The following MACF1 variants were observed in gnomAD, a reference collection of about 807,000 sequenced individuals.
The protein encoded by MACF1 is microtubule actin crosslinking factor 1, also known as microtubule-actin cross-linking factor 1.
Under a neutral mutation model 854.8 loss-of-function variants are expected in MACF1, and 193 were observed. The ratio of observed to expected loss-of-function variants is 0.23; its 90% CI spans 0.20 to 0.25. The LOEUF is 0.25. Ranked by LOEUF, MACF1 falls within the 10% of genes least tolerant of loss-of-function variation. MACF1 has a pLI of 1.00. For missense variants in MACF1, 7,722 were observed against 8,929.1 expected (o/e 0.86, Z 5.45); for synonymous variants, 3,185 against 3,226.7 (o/e 0.99, Z 0.44).
At chr1:39,392,217 G>A (rs1249772301) in intron 58 of MACF1, among the ~76,000 whole-genome samples, 5 of 152,140 alleles carry the variant, frequency 3.3e-5, no homozygotes, top group Non-Finnish European at 4.4e-5. Flanking sequence ...TGAGCTCATC[G>A]GAAGTGAAAA....
intron 23 of MACF1, among the ~76,000 whole-genome samples, chr1:39,308,843 A>G (rs1646241750): frequency 6.6e-6 from 1 of 151,866 alleles, no homozygotes; most frequent in Non-Finnish European, 1.5e-5. Flanking sequence ...TTTAATAGAG[A>G]TGGGGTTTCT....
chr1:39,427,357 T>A (rs1465647858), intron 61 of MACF1, 98 bp from the exon 62 acceptor site: 1 of 1,046,058 alleles, frequency 9.6e-7, no homozygotes, highest in East Asian at 2.4e-5. Context: ...GTATTTAAAC[T>A]ATACCTGGAA....
intron 5 of MACF1, 50 bp from the exon 6 acceptor site, chr1:39,257,886 C>A: frequency 7.2e-7 from 1 of 1,392,942 alleles, no homozygotes; most frequent in Non-Finnish European, 1.0e-6. Context: ...AAAATTTAAT[C>A]AAAACAAAAA....
chr1:39,439,039 C>T (rs1209591749), intron 71 of MACF1, among the ~76,000 whole-genome samples: 10 of 150,068 alleles, frequency 6.7e-5, no homozygotes, highest in Admixed American at 2.7e-4. Context: ...GCCAAGATTG[C>T]GCCACTGCAC....
chr1:39,415,191 A>G (rs569559311), intron 58 of MACF1, among the ~76,000 whole-genome samples: 54 of 152,296 alleles, frequency 3.5e-4, no homozygotes, highest in African/African-American at 1.3e-3. Context: ...TGAAAAATAG[A>G]GATATTTTAG....
intron 2 of MACF1, among the ~76,000 whole-genome samples, chr1:39,236,044 A>G (rs1315998119): frequency 1.3e-5 from 2 of 152,330 alleles, no homozygotes; most frequent in East Asian, 3.9e-4. Context: ...AGTCTAAATC[A>G]GACATTCTGT....
chr1:39,393,196 A>AAAAAAAAAAAAAAAATATATATATATAT (rs57576149), intron 58 of MACF1, among the ~76,000 whole-genome samples: 1 of 66,576 alleles, frequency 1.5e-5, no homozygotes, highest in Non-Finnish European at 2.6e-5. Context: ...AAAAAAAAAA[A>AAAAAAAAAAAAAAAATATATATATATAT]ATATATATAT....
At chr1:39,239,893 C>CCCTT (rs928097542) in intron 2 of MACF1, among the ~76,000 whole-genome samples, 4 of 152,090 alleles carry the variant, frequency 2.6e-5, no homozygotes, top group African/African-American at 7.2e-5. Flanking sequence ...TTACAACCAA[C>CCCTT]CCTTCCTTCC....
chr1:39,485,134 G>A, intron 100 of MACF1: 1 of 311,792 alleles, frequency 3.2e-6, no homozygotes. Context: ...CTGTTCTCCT[G>A]CTACTGTTCC....
At chr1:39,272,606 G>GATTA (rs780886957) in intron 6 of MACF1, among the ~76,000 whole-genome samples, 58 of 152,204 alleles carry the variant, frequency 3.8e-4, no homozygotes, top group Admixed American at 1.1e-3. Flanking sequence ...CTCCTCTGTT[G>GATTA]ATTAGTCCAG....
chr1:39,156,089 G>A (rs1056556997), intron 2 of MACF1, among the ~76,000 whole-genome samples: 5 of 151,874 alleles, frequency 3.3e-5, no homozygotes, highest in Admixed American at 6.6e-5. Context: ...GGGTTTTATC[G>A]TGGTCTCGAT....
chr1:39,311,410 A>C (rs1646298041), intron 26 of MACF1, among the ~76,000 whole-genome samples: 2 of 152,216 alleles, frequency 1.3e-5, no homozygotes, highest in South Asian at 4.1e-4. Context: ...GCTCTGATAC[A>C]TGCTCTGTCT....
chr1:39,200,896 G>A (rs914387336), upstream of MACF1, among the ~76,000 whole-genome samples: 1 of 152,072 alleles, frequency 6.6e-6, no homozygotes, highest in Admixed American at 6.6e-5. Context: ...GCAACATGGC[G>A]AAACCCGGTT....
intron 2 of MACF1, among the ~76,000 whole-genome samples, chr1:39,192,116 A>G (rs949206202): frequency 1.3e-5 from 2 of 151,968 alleles, no homozygotes; most frequent in African/African-American, 2.4e-5. Flanking sequence ...TCACCACTGC[A>G]CTCCAGCCTG....
intron 20 of MACF1, 122 bp from the exon 21 acceptor site, chr1:39,297,498 C>A: frequency 1.7e-6 from 2 of 1,153,196 alleles, no homozygotes; most frequent in Non-Finnish European, 2.5e-6. Flanking sequence ...TAAACTGTCA[C>A]TAATGCAGTA....
At chr1:39,406,756 A>AAAAC (rs746955922) in intron 58 of MACF1, among the ~76,000 whole-genome samples, 2 of 116,058 alleles carry the variant, frequency 1.7e-5, no homozygotes, top group Admixed American at 8.9e-5. Flanking sequence ...AAAAAAAAAA[A>AAAAC]AACATTCTTT....
chr1:39,336,449 A>G lies in MACF1; in HGVS notation c.9861A>G (p.Gln3287=). 1 of 1,614,166 alleles carries G rather than the reference A, an allele frequency of 6.2e-7. No homozygotes were observed. The highest frequency in any genetic ancestry group is 8.5e-7 in the Non-Finnish European group (1 of 1,180,006). Residue 3287 remains glutamine (Q), a synonymous_variant, in exon 37 of 101, where the codon CAA becomes CAG. Coordinates refer to ENST00000564288, the MANE Select transcript of MACF1 (RefSeq NM_001394062.1). ...KGVSQKENTG[Q]QNAIISPTVL... ...TGTCTCAAAAAGAGAATACAGGGCA[A>G]CAGAATGCCATCATTAGTCCTACTG...
At chr1:39,298,551 A>G in intron 21 of MACF1, 1 of 351,692 alleles carries the variant, frequency 2.8e-6, no homozygotes, top group South Asian at 2.3e-5. Flanking sequence ...TTTCAATAGA[A>G]AAGTCTGAAT....
At chr1:39,259,087 G>C (rs1225580461) in intron 6 of MACF1, among the ~76,000 whole-genome samples, 2 of 152,188 alleles carry the variant, frequency 1.3e-5, no homozygotes, top group Non-Finnish European at 2.9e-5. Flanking sequence ...GGGAAACTTT[G>C]TTGAGCTTTC....
Sources: allele counts gnomAD v4.1 joint callset (sites outside exome capture counted in the v4.1 genomes callset), GRCh38; gene constraint gnomAD v4.1.1; transcripts MANE v1.5; gene names NCBI Gene and HGNC (gene_info 2026-07-23, HGNC 2026-07-21).